Variants in FNDC8 observed in about 807,000 individuals in gnomAD.
FNDC8 encodes the protein fibronectin type III domain-containing protein 8.
In FNDC8, 23 loss-of-function variants were observed where a neutral mutation model predicts 24.8. The ratio of observed to expected loss-of-function variants is 0.93; its 90% CI spans 0.67 to 1.31. FNDC8 has a LOEUF of 1.31. Ranked by LOEUF, FNDC8 falls within the 40% of genes most tolerant of loss-of-function variation. FNDC8 has a pLI of 0.00. For synonymous variants in FNDC8, 158 were observed against 165.3 expected, an observed-to-expected ratio of 0.96 and a Z score of 0.34; for missense variants, 371 against 398.2, an observed-to-expected ratio of 0.93 and a Z score of 0.58.
At chr17:35,122,210 A>ATATTTTT (rs1567738668) in intron 1 of FNDC8, among the ~76,000 whole-genome samples, 2 of 44,800 alleles carry the variant, frequency 4.5e-5, no homozygotes, top group African/African-American at 1.6e-4. Context: ...ATATATATAA[A>ATATTTTT]TTTTTTTTTT....
intron 1 of FNDC8, 97 bp from the exon 2 acceptor site, chr17:35,126,945 G>A: frequency 6.9e-7 from 1 of 1,448,534 alleles, no homozygotes; most frequent in African/African-American, 1.4e-5. Flanking sequence ...GCAAATGGCT[G>A]GGGATGCTGG....
Position 35,130,444 on chromosome 17 carries a change from C to T in FNDC8, c.*10C>T, listed in dbSNP as rs756759890. 1 of 1,610,728 alleles carries T rather than the reference C, an allele frequency of 6.2e-7. No individual in the cohort carries two copies. Among genetic ancestry groups the T allele is most frequent in the Non-Finnish European group, 8.5e-7 (1 of 1,178,396 alleles). ...CCTATTTCCCTGTTAAGGGGGAGGG[C>T]CCCAGGACACCCCTCACCTACTTTC... is the stretch of plus-strand genomic sequence containing the variant. On this transcript the variant is annotated 3_prime_UTR_variant, in exon 4 of 4. Coordinates refer to ENST00000158009, the MANE Select transcript of FNDC8 (RefSeq NM_017559.4).
At chr17:35,122,769 G>A (rs1410294895) in intron 1 of FNDC8, among the ~76,000 whole-genome samples, 1 of 152,170 alleles carries the variant, frequency 6.6e-6, no homozygotes, top group Non-Finnish European at 1.5e-5. Flanking sequence ...CACCTGCAAG[G>A]TGTCTGTCCC....
intron 3 of FNDC8, 109 bp from the exon 4 acceptor site, chr17:35,130,173 G>A: frequency 4.0e-6 from 6 of 1,495,168 alleles, no homozygotes; most frequent in Non-Finnish European, 5.3e-6. Flanking sequence ...GGATAAGGCT[G>A]TTTAAGGTCT....
chr17:35,130,082 G>A, intron 3 of FNDC8, 200 bp from the exon 4 acceptor site: 1 of 1,420,862 alleles, frequency 7.0e-7, no homozygotes, highest in South Asian at 1.6e-5. Context: ...ACAGCCCTTT[G>A]GTTGGAAATA....
intron 1 of FNDC8, among the ~76,000 whole-genome samples, chr17:35,124,124 C>T (rs192982053): frequency 1.3e-5 from 2 of 152,220 alleles, no homozygotes; most frequent in East Asian, 1.9e-4. Context: ...AAACTTGGCC[C>T]GTTCATCAAC....
At chr17:35,124,785 C>T (rs1340781590) in intron 1 of FNDC8, among the ~76,000 whole-genome samples, 2 of 152,030 alleles carry the variant, frequency 1.3e-5, no homozygotes, top group African/African-American at 4.8e-5. Context: ...CAGTGGCTCA[C>T]GCCTGTAATC....
intron 3 of FNDC8, chr17:35,129,988 G>A: frequency 1.5e-6 from 2 of 1,376,518 alleles, no homozygotes; most frequent in Non-Finnish European, 1.9e-6. Flanking sequence ...AAGAAATAGG[G>A]AAGACAAGAG....
intron 2 of FNDC8, among the ~76,000 whole-genome samples, chr17:35,128,590 C>A (rs563554656): frequency 6.6e-6 from 1 of 152,302 alleles, no homozygotes; most frequent in Non-Finnish European, 1.5e-5. Flanking sequence ...CACTTGCCCT[C>A]TCTGGACCTA....
At chr17:35,130,040 A>G (rs2142495817) in intron 3 of FNDC8, 3 of 1,394,870 alleles carry the variant, frequency 2.2e-6, no homozygotes, top group East Asian at 5.3e-5. Flanking sequence ...GGTATGGGGT[A>G]GGGGTATGGG....
Position 35,129,539 on chromosome 17 carries a change from T to C in FNDC8, c.703T>C (p.Phe235Leu). The C allele has an allele frequency of 1.2e-6, 2 of 1,614,210 alleles. No individual in the cohort carries two copies. Among genetic ancestry groups the C allele is most frequent in the South Asian group, 1.1e-5 (1 of 91,088 alleles). Reference sequence around the variant, plus strand: ...CGAGGCAAAGAATCGTCCATGGATCTTCAACAAGATTTTGGGCACTACTGT... The same window carrying C: ...CGAGGCAAAGAATCGTCCATGGATCCTCAACAAGATTTTGGGCACTACTGT... Reference protein sequence around the residue: ...LPEAKNRPWIFNKILGTTVKL... With the variant: ...LPEAKNRPWILNKILGTTVKL... The change falls in exon 3 of 4, where the codon TTC becomes CTC. Residue 235 changes from phenylalanine (F) to leucine (L), a missense_variant. Coordinates refer to ENST00000158009, the MANE Select transcript of FNDC8 (RefSeq NM_017559.4).
rs1308761439 is a variant in FNDC8 at position 35,129,653 on chromosome 17, T to C, written c.817T>C (p.Tyr273His). ...TGGGGTGGGGAAGTGGTGCAAGCCC[T>C]ACAAAGTGAGCCCTGGGAAAAGAGG... is the stretch of plus-strand genomic sequence containing the variant. ...TAGVGKWCKP[Y>H]KFATLATDFS... The change falls in exon 3 of 4, where the codon TAC (tyrosine) becomes CAC (histidine). Residue 273 changes from tyrosine (Y) to histidine (H), a missense_variant. Tyr to His is a moderately conservative substitution (Grantham distance 83). Transcript: ENST00000158009. 1 of 1,613,350 alleles carries C rather than the reference T, an allele frequency of 6.2e-7. No individual in the cohort carries two copies. The highest frequency in any genetic ancestry group is 8.5e-7 in the Non-Finnish European group (1 of 1,179,840).
In FNDC8 at chr17:35,127,039, C is replaced by T; in HGVS notation, c.210-3C>T. On this transcript the variant is annotated splice_region_variant and splice_polypyrimidine_tract_variant and intron_variant, in intron 1 of 3. Transcript: ENST00000158009. ...GATTCACCTGTCTCCCCTTTTGCTCCAGGAAGCCGCTGCCAGTAGAGGATT... is the reference window on the plus strand; with the variant it reads ...GATTCACCTGTCTCCCCTTTTGCTCTAGGAAGCCGCTGCCAGTAGAGGATT... 6.4e-7 allele frequency: 1 copy of T among 1,571,582 alleles called. No individual in the cohort carries two copies. The highest frequency in any genetic ancestry group is 8.7e-7 in the Non-Finnish European group (1 of 1,154,110).
Position 35,121,680 on chromosome 17 carries a change from C to A in FNDC8, c.-14C>A. 6.2e-7 allele frequency: 1 copy of A among 1,613,526 alleles called. No homozygotes were observed. Among genetic ancestry groups the A allele is most frequent in the Non-Finnish European group, 8.5e-7 (1 of 1,179,658 alleles). Reference sequence around the variant, plus strand: ...TGTCCTGCATGGTGACGGGTGTCATCCCGAACAAATCAGATGGCATCAGAG... The same window carrying A: ...TGTCCTGCATGGTGACGGGTGTCATACCGAACAAATCAGATGGCATCAGAG... On this transcript the variant is annotated 5_prime_UTR_variant, in exon 1 of 4. Coordinates refer to ENST00000158009, the MANE Select transcript of FNDC8 (RefSeq NM_017559.4).
Position 35,121,858 on chromosome 17 carries a change from G to A in FNDC8, c.165G>A (p.Lys55=), listed in dbSNP as rs767920486. The A allele has an allele frequency of 6.2e-7, 1 of 1,613,546 alleles. No individual in the cohort carries two copies. The highest frequency in any genetic ancestry group is 2.2e-5 in the East Asian group (1 of 44,844). ...CCAAAGGACTCCCACTAGCCTCAAA[G>A]GGCAATTTGGTCAACTTCTTGGAGG... The part of the protein sequence containing the change: ...VTTKGLPLAS[K]GNLVNFLEDD... The change falls in exon 1 of 4, where the codon AAG becomes AAA. Residue 55 remains lysine (K), a synonymous_variant. Transcript: ENST00000158009.
Position 35,123,760 on chromosome 17 carries a change from C to CA in FNDC8, c.209+1869dup, listed in dbSNP as rs371409392. 3.3e-3 allele frequency among the ~76,000 whole-genome samples: 468 copies of CA among 139,920 alleles called. 2 individuals carry two copies. Among genetic ancestry groups the CA allele is most frequent in the Non-Finnish European group, 4.6e-3 (298 of 64,898 alleles). The allele number at this position is 139,920 out of a possible 152,430, so 91.8% of individuals were successfully genotyped here. ...GCTCCATAAAAAAAACAAAACAAAA[C>CA]AAAAAAAAAAACAGATCAGGGACCC... On this transcript the variant is annotated intron_variant, in intron 1 of 3. Transcript: ENST00000158009.
intron 1 of FNDC8, 87 bp downstream of exon 1, chr17:35,121,989 T>TCCTTCCTTCC: frequency 9.0e-6 from 1 of 111,682 alleles, no homozygotes; most frequent in East Asian, 1.0e-3. Flanking sequence ...CTTCCTTCCT[T>TCCTTCCTTCC]TTTTTTTTTT....
At position 35,130,537 on chromosome 17, in the gene FNDC8, C is replaced by T; in HGVS notation, c.*103C>T. On this transcript the variant is annotated 3_prime_UTR_variant, in exon 4 of 4. Coordinates refer to ENST00000158009, the MANE Select transcript of FNDC8 (RefSeq NM_017559.4). ...ACCATACCACCAGCACCCTGCGGGCCCGGGGTCTGGCAGAGTGGTATGGGC... is the reference window on the plus strand; with the variant it reads ...ACCATACCACCAGCACCCTGCGGGCTCGGGGTCTGGCAGAGTGGTATGGGC... 1 of 1,298,970 alleles carries T rather than the reference C, an allele frequency of 7.7e-7. No individual in the cohort carries two copies. Among genetic ancestry groups the T allele is most frequent in the Non-Finnish European group, 1.1e-6 (1 of 950,124 alleles). 80.5% of individuals were successfully genotyped at this position (1,298,970 alleles called of 1,614,324 possible). A position where few individuals can be genotyped will look rare whatever the true frequency, so the allele number is the denominator to read the frequency against.
chr17:35,128,473 G>A (rs2091857871), intron 2 of FNDC8, among the ~76,000 whole-genome samples: 1 of 152,236 alleles, frequency 6.6e-6, no homozygotes, highest in African/African-American at 2.4e-5. Context: ...ATCTCCCTGA[G>A]ATGCTTAGCC....
Sources: gnomAD v4.1 joint callset for allele counts (sites outside exome capture counted in the v4.1 genomes callset) on GRCh38, gnomAD v4.1.1 for gene constraint, MANE v1.5 for transcripts, NCBI Gene and HGNC (gene_info 2026-07-23, HGNC 2026-07-21) for gene names.